The following DNAH7 variants were observed in gnomAD, a reference collection of about 807,000 sequenced individuals.
The protein encoded by DNAH7 is axonemal beta dynein heavy chain 7.
Under a neutral mutation model 444.6 loss-of-function variants are expected in DNAH7, and 397 were observed. The ratio of observed to expected loss-of-function variants is 0.89; its 90% CI spans 0.82 to 0.97. The LOEUF is 0.97. Ranked by LOEUF, DNAH7 falls within the 50% of genes least tolerant of loss-of-function variation. The pLI is 0.00. For synonymous variants in DNAH7, 1,636 were observed against 1,624.4 expected (o/e 1.01, Z -0.17); for missense variants, 4,902 against 4,800.8 (o/e 1.02, Z -0.62).
At chr2:195,743,076 G>A (rs1302729976) in intron 63 of DNAH7, among the ~76,000 whole-genome samples, 2 of 152,158 alleles carry the variant, frequency 1.3e-5, no homozygotes, top group Non-Finnish European at 1.5e-5. Flanking sequence ...TAAGCCTTCT[G>A]GCCTTCATCT....
At chr2:195,919,182 G>A (rs1018057997) in intron 24 of DNAH7, among the ~76,000 whole-genome samples, 14 of 150,736 alleles carry the variant, frequency 9.3e-5, no homozygotes, top group African/African-American at 2.7e-4. Context: ...CCAGGGAGTC[G>A]GAGGTTGCAG....
At chr2:195,778,617 T>C (rs1695186431) in intron 58 of DNAH7, among the ~76,000 whole-genome samples, 1 of 26,926 alleles carries the variant, frequency 3.7e-5, no homozygotes, top group African/African-American at 1.8e-4. Flanking sequence ...AGACCCTGTC[T>C]GAAAAAAAAA....
At chr2:195,943,573 A>G (rs911939363) in intron 19 of DNAH7, among the ~76,000 whole-genome samples, 13 of 152,156 alleles carry the variant, frequency 8.5e-5, no homozygotes, top group African/African-American at 3.1e-4. Context: ...CAGAAGCATT[A>G]TGTTAATTTC....
Position 195,857,537 on chromosome 2 carries a change from G to C in DNAH7, c.8254C>G (p.Leu2752Val), listed in dbSNP as rs747984547. 6.8e-6 allele frequency: 11 copies of C among 1,613,824 alleles called. No individual in the cohort carries two copies. The highest frequency in any genetic ancestry group is 9.3e-6 in the Non-Finnish European group (11 of 1,179,934). ...LLGDMRFLQS[L>V]HEYDKDNIPP... is the part of the protein sequence containing the mutation. ...ATATTGTCCTTGTCATATTCATGAA[G>C]TGACTGCAGAAACCTCATGTCACCA... Residue 2752 changes from leucine to valine, a missense_variant, in exon 44 of 65, where the codon CTT (leucine) becomes GTT (valine). Physicochemically the swap from Leu to Val is conservative, Grantham distance 32. Coordinates refer to ENST00000312428, the MANE Select transcript of DNAH7 (RefSeq NM_018897.3).
intron 46 of DNAH7, among the ~76,000 whole-genome samples, chr2:195,846,970 T>TGTGTGTGTGC (rs1553535848): frequency 1.3e-5 from 2 of 151,112 alleles, no homozygotes; most frequent in African/African-American, 4.9e-5. Flanking sequence ...TGTGTGTGTG[T>TGTGTGTGTGC]GTGTGTGTGT....
intron 14 of DNAH7, among the ~76,000 whole-genome samples, chr2:195,986,819 G>T (rs1474589675): frequency 2.0e-5 from 3 of 152,088 alleles, no homozygotes; most frequent in African/African-American, 7.2e-5. Flanking sequence ...TTGTGTAAAA[G>T]AAATACACAT....
At chr2:195,783,964 A>G (rs1459671941) in intron 58 of DNAH7, among the ~76,000 whole-genome samples, 1 of 152,168 alleles carries the variant, frequency 6.6e-6, no homozygotes, top group African/African-American at 2.4e-5. Flanking sequence ...GTTCACAACA[A>G]AACGGAACAA....
intron 1 of DNAH7, among the ~76,000 whole-genome samples, chr2:196,059,972 T>C (rs1698044459): frequency 6.6e-6 from 1 of 152,250 alleles, no homozygotes; most frequent in East Asian, 1.9e-4. Flanking sequence ...TCCCAGCACT[T>C]TGGGAGGCCG....
chr2:195,950,851 CAAAAAAAAAAAAA>C lies in DNAH7; in HGVS notation c.3078+6397_3078+6409del, dbSNP rs67782183. ...TAGGCAACAGAGTGGGACTCTGTCT[CAAAAAAAAAAAAA>C]AAAAAAAAAAAAAAACCCAGCTCCT... On this transcript the variant is annotated intron_variant, in intron 19 of 64. Transcript: ENST00000312428. Among the ~76,000 whole-genome samples the C allele has an allele frequency of 2.7e-4, 10 of 36,714 alleles. No individual in the cohort carries two copies. In the South Asian group the frequency reaches 0.013, roughly 46 times the overall value. 24.1% of individuals were successfully genotyped at this position (36,714 alleles called of 152,430 possible). A position where few individuals can be genotyped will look rare whatever the true frequency, so the allele number is the denominator to read the frequency against.
At chr2:195,967,303 G>A (rs1691547950) in intron 17 of DNAH7, among the ~76,000 whole-genome samples, 2 of 151,888 alleles carry the variant, frequency 1.3e-5, no homozygotes, top group Admixed American at 6.6e-5. Flanking sequence ...ATATCTTTTT[G>A]TACTGTTTAT....
intron 51 of DNAH7, among the ~76,000 whole-genome samples, chr2:195,812,360 G>A (rs573392516): frequency 8.5e-5 from 13 of 152,102 alleles, no homozygotes; most frequent in African/African-American, 2.7e-4. Context: ...TTCTATGGGC[G>A]GCAGACAGGA....
chr2:196,044,189 TTATA>T (rs751074950), intron 5 of DNAH7, among the ~76,000 whole-genome samples: 2 of 143,610 alleles, frequency 1.4e-5, no homozygotes, highest in Non-Finnish European at 3.0e-5. Flanking sequence ...AAAAAAATGT[TTATA>T]TATATATATA....
At chr2:195,932,826 T>C (rs1210469274) in intron 21 of DNAH7, among the ~76,000 whole-genome samples, 1 of 152,164 alleles carries the variant, frequency 6.6e-6, no homozygotes, top group South Asian at 2.1e-4. Flanking sequence ...TTTGCCAGTA[T>C]TTTATTGAGG....
intron 51 of DNAH7, among the ~76,000 whole-genome samples, chr2:195,812,830 T>C (rs1211618097): frequency 3.9e-5 from 6 of 152,218 alleles, no homozygotes; most frequent in African/African-American, 1.4e-4. Context: ...TACCAGTTAT[T>C]TGATGACTAT....
intron 12 of DNAH7, among the ~76,000 whole-genome samples, chr2:195,992,346 A>G (rs1693397619): frequency 6.6e-6 from 1 of 152,206 alleles, no homozygotes; most frequent in Admixed American, 6.5e-5. Context: ...GAAGCTGAAG[A>G]AGAAAAAGGC....
chr2:196,059,892 C>CT (rs1268187111), intron 1 of DNAH7, among the ~76,000 whole-genome samples: 4 of 152,272 alleles, frequency 2.6e-5, no homozygotes, highest in South Asian at 2.1e-4. Context: ...CAGAGAGTCT[C>CT]TGCTCTCTTA....
At chr2:195,883,068 C>G (rs571819280) in intron 35 of DNAH7, among the ~76,000 whole-genome samples, 1 of 152,008 alleles carries the variant, frequency 6.6e-6, no homozygotes, top group Non-Finnish European at 1.5e-5. Flanking sequence ...CTAGAACCAA[C>G]GAAGAAAATA....
intron 63 of DNAH7, among the ~76,000 whole-genome samples, chr2:195,744,901 G>C (rs940222522): frequency 6.6e-6 from 1 of 152,142 alleles, no homozygotes; most frequent in Non-Finnish European, 1.5e-5. Flanking sequence ...CACAAAGATG[G>C]GGAAAAAACA....
chr2:195,874,147 G>A (rs1473556401), intron 38 of DNAH7, among the ~76,000 whole-genome samples: 1 of 152,082 alleles, frequency 6.6e-6, no homozygotes, highest in Non-Finnish European at 1.5e-5. Flanking sequence ...ATGACATATA[G>A]CCAAATTCTT....
Sources: gnomAD v4.1 joint callset for allele counts (sites outside exome capture counted in the v4.1 genomes callset) on GRCh38, gnomAD v4.1.1 for gene constraint, MANE v1.5 for transcripts, NCBI Gene and HGNC (gene_info 2026-07-23, HGNC 2026-07-21) for gene names.